The following TOP1 variants were observed in gnomAD, a reference collection of about 807,000 sequenced individuals.
TOP1 encodes DNA topoisomerase 1.
In TOP1, 10 loss-of-function variants were observed where a neutral mutation model predicts 111.1. The ratio of observed to expected loss-of-function variants is 0.09; its 90% CI spans 0.06 to 0.15. The LOEUF is 0.15. Among genes scored for constraint, TOP1 ranks in the 10% least tolerant of loss-of-function variants. TOP1 has a pLI of 1.00. For synonymous variants in TOP1, 271 were observed against 302.9 expected (o/e 0.89, Z 1.10); for missense variants, 474 against 926.7 (o/e 0.51, Z 6.34).
intron 13 of TOP1, among the ~76,000 whole-genome samples, chr20:41,105,485 T>C (rs549774804): frequency 8.5e-5 from 13 of 152,170 alleles, no homozygotes. Flanking sequence ...AAAACTTATC[T>C]ATTCTGTTGG....
Position 41,098,916 on chromosome 20 carries a change from G to T in TOP1, c.975+579G>T, listed in dbSNP as rs2034020376. ...TCTACGGCTGTGTTTATGCAACAATGACAGAGATGAGTAGTTGCAAAAGAG... is the reference window on the plus strand; with the variant it reads ...TCTACGGCTGTGTTTATGCAACAATTACAGAGATGAGTAGTTGCAAAAGAG... On this transcript the variant is annotated intron_variant, in intron 11 of 20. Transcript: ENST00000361337. The surrounding 1 kb of genome is among the most constrained non-coding windows in gnomAD (Gnocchi z 5.7). 1 of 152,018 alleles carries T rather than the reference G, an allele frequency of 6.6e-6. No individual in the cohort carries two copies. Among genetic ancestry groups the T allele is most frequent in the South Asian group, 2.1e-4 (1 of 4,830 alleles). 9.4% of individuals were successfully genotyped at this position (152,018 alleles called of 1,614,324 possible).
Position 41,116,478 on chromosome 20 carries a change from A to G in TOP1, c.1822+86A>G. 9.5e-7 allele frequency: 1 copy of G among 1,047,850 alleles called. No individual in the cohort carries two copies. The allele number at this position is 1,047,850 out of a possible 1,614,324, so 64.9% of individuals were successfully genotyped here. ...TTATCTAAGGCCTAGAGTCAGTTCT[A>G]CTTTTTTTCCCTACCATTGTGGTCA... On this transcript the variant is annotated intron_variant, in intron 17 of 20. Coordinates refer to ENST00000361337, the MANE Select transcript of TOP1 (RefSeq NM_003286.4). This position sits in a 1 kb window ranked among gnomAD's most constrained non-coding sequence, Gnocchi z 5.6.
rs1360958552 is a variant in TOP1, at chr20:41,112,512, CT to C, written c.1309-269del. 6.6e-6 allele frequency among the ~76,000 whole-genome samples: 1 copy of C among 152,200 alleles called. No homozygotes were observed. The highest frequency in any genetic ancestry group is 2.1e-4 in the South Asian group (1 of 4,836). On this transcript the variant is annotated intron_variant, in intron 13 of 20. Transcript: ENST00000361337. The surrounding 1 kb of genome is among the most constrained non-coding windows in gnomAD (Gnocchi z 5.8). The stretch of plus-strand genomic sequence containing the variant: ...TAACAGGTTAAATGTGCCAAACTCT[CT>C]CTTCAGTACTATTCTTTTTTACGTT...
intron 13 of TOP1, among the ~76,000 whole-genome samples, chr20:41,107,900 C>T (rs547907473): frequency 1.3e-5 from 2 of 152,354 alleles, no homozygotes; most frequent in African/African-American, 4.8e-5. Context: ...CCCCTGACTT[C>T]AAGTCCCCCC....
intron 3 of TOP1, among the ~76,000 whole-genome samples, chr20:41,070,272 T>G (rs1452073986): frequency 6.6e-6 from 1 of 152,204 alleles, no homozygotes; most frequent in African/African-American, 2.4e-5. Flanking sequence ...AGAATGGGTA[T>G]CGGTTTTGCC....
At position 41,084,522 on chromosome 20, in the gene TOP1, A is replaced by G. The variant is rs143582206; in HGVS notation, c.568A>G (p.Asn190Asp). ...AGATAAAAAAGTTCCTGAGCCAGATAACAAGAAAAAGAAGCCGAAGAAAGA... is the reference window on the plus strand; with the variant it reads ...AGATAAAAAAGTTCCTGAGCCAGATGACAAGAAAAAGAAGCCGAAGAAAGA... ...DKDKKVPEPD[N>D]KKKKPKKEEE... Residue 190 changes from asparagine (N) to aspartate (D), a missense_variant, in exon 8 of 21, where the codon AAC (asparagine) becomes GAC (aspartate). Transcript: ENST00000361337. The G allele has an allele frequency of 2.6e-5, 41 of 1,579,914 alleles. No individual in the cohort carries two copies. In the African/African-American group the frequency reaches 4.9e-4, roughly 19 times the overall value.
intron 2 of TOP1, among the ~76,000 whole-genome samples, chr20:41,059,386 C>T (rs997509204): frequency 1.3e-5 from 2 of 149,458 alleles, no homozygotes; most frequent in Admixed American, 6.7e-5. Context: ...GAACACTGGC[C>T]CTTAACTCTG....
chr20:41,122,381 C>T lies in TOP1; in HGVS notation c.2195+226C>T, dbSNP rs1486032459. Among the ~76,000 whole-genome samples the T allele has an allele frequency of 6.6e-6, 1 of 152,164 alleles. No individual in the cohort carries two copies. The highest frequency in any genetic ancestry group is 1.5e-5 in the Non-Finnish European group (1 of 68,044). On this transcript the variant is annotated intron_variant, in intron 20 of 20. Coordinates refer to ENST00000361337, the MANE Select transcript of TOP1 (RefSeq NM_003286.4). This position sits in a 1 kb window ranked among gnomAD's most constrained non-coding sequence, Gnocchi z 5.4. ...TAAATGGTCAGTGCTGTTACACTGC[C>T]TTGTAGTGTATATTTTTAAGAGGCA...
rs1226187901 is a variant in TOP1, at chr20:41,114,709, TG to T, written c.1638+555del. Among the ~76,000 whole-genome samples, 1 of 152,242 alleles carries T rather than the reference TG, an allele frequency of 6.6e-6. No individual in the cohort carries two copies. The highest frequency in any genetic ancestry group is 1.5e-5 in the Non-Finnish European group (1 of 68,040). On this transcript the variant is annotated intron_variant, in intron 15 of 20. Coordinates refer to ENST00000361337, the MANE Select transcript of TOP1 (RefSeq NM_003286.4). The surrounding 1 kb of genome is among the most constrained non-coding windows in gnomAD (Gnocchi z 4.5). ...AACTCCTGACTGAGTGAAAGGTTAA[TG>T]TTAGTCCCCAGATCTCTGAGCCCAT...
In TOP1 at chr20:41,112,493, G is replaced by T. The variant is rs1017475420; in HGVS notation, c.1309-289G>T. Among the ~76,000 whole-genome samples, 1 of 152,198 alleles carries T rather than the reference G, an allele frequency of 6.6e-6. No individual in the cohort carries two copies. The highest frequency in any genetic ancestry group is 1.5e-5 in the Non-Finnish European group (1 of 68,026). ...ATGGGACAATGTGCATTCTTAACAG[G>T]TTAAATGTGCCAAACTCTCTCTTCA... On this transcript the variant is annotated intron_variant, in intron 13 of 20. Transcript: ENST00000361337. The surrounding 1 kb of genome is among the most constrained non-coding windows in gnomAD (Gnocchi z 5.8).
At chr20:41,059,211 T>C (rs1473181296) in intron 2 of TOP1, among the ~76,000 whole-genome samples, 3 of 151,816 alleles carry the variant, frequency 2.0e-5, no homozygotes, top group Non-Finnish European at 4.4e-5. Flanking sequence ...GAAACATAAT[T>C]AGTGGGTACT....
chr20:41,041,005 C>A (rs1006463174), intron 2 of TOP1, among the ~76,000 whole-genome samples: 1 of 152,020 alleles, frequency 6.6e-6, no homozygotes, highest in Non-Finnish European at 1.5e-5. Context: ...ATCTCAGAGC[C>A]TGTTTGAGTA....
Position 41,058,061 on chromosome 20 carries a change from A to G in TOP1, c.59-3333A>G, listed in dbSNP as rs578025988. ...TATGCTGCATGGAAGATTGAGTTCAAATCCTACTTCTGACACCATATGATA... is the reference window on the plus strand; with the variant it reads ...TATGCTGCATGGAAGATTGAGTTCAGATCCTACTTCTGACACCATATGATA... On this transcript the variant is annotated intron_variant, in intron 2 of 20. Transcript: ENST00000361337. This position sits in a 1 kb window ranked among gnomAD's most constrained non-coding sequence, Gnocchi z 4.2. 2.2e-4 allele frequency among the ~76,000 whole-genome samples: 34 copies of G among 152,302 alleles called. No individual in the cohort carries two copies. Among genetic ancestry groups the G allele is most frequent in the African/African-American group, 7.5e-4 (31 of 41,554 alleles).
At chr20:41,047,623 G>A (rs1181026112) in intron 2 of TOP1, among the ~76,000 whole-genome samples, 1 of 152,234 alleles carries the variant, frequency 6.6e-6, no homozygotes, top group Non-Finnish European at 1.5e-5. Flanking sequence ...TCACTAGAAT[G>A]TGGCCATGCT....
At chr20:41,113,008 T>C in intron 14 of TOP1, 83 bp downstream of exon 14, 2 of 1,406,806 alleles carry the variant, frequency 1.4e-6, no homozygotes, top group Non-Finnish European at 1.9e-6. Context: ...CTGTGCCACA[T>C]ACTGTATATC....
At position 41,029,816 on chromosome 20, in the gene TOP1, CTT is replaced by C. The variant is rs1357121289; in HGVS notation, c.58+363_58+364del. 1 of 327,568 alleles carries C rather than the reference CTT, an allele frequency of 3.1e-6. No homozygotes were observed. The highest frequency in any genetic ancestry group is 5.8e-6 in the Non-Finnish European group (1 of 172,532). 20.3% of individuals were successfully genotyped at this position (327,568 alleles called of 1,614,324 possible). ...TCCTCTCCTTTCTGTGCCTGTGTCTCTTTCTCTCCCTCCCTCGGCTCTTTCCT... is the reference window on the plus strand; with the variant it reads ...TCCTCTCCTTTCTGTGCCTGTGTCTCTCTCTCCCTCCCTCGGCTCTTTCCT... On this transcript the variant is annotated intron_variant, in intron 2 of 20. Transcript: ENST00000361337. This position sits in a 1 kb window ranked among gnomAD's most constrained non-coding sequence, Gnocchi z 6.1.
At chr20:41,086,056 A>G (rs570741602) in intron 8 of TOP1, among the ~76,000 whole-genome samples, 1 of 152,302 alleles carries the variant, frequency 6.6e-6, no homozygotes, top group Admixed American at 6.5e-5. Flanking sequence ...TGAGGTCAGG[A>G]GTTCGAGACC....
At position 41,123,815 on chromosome 20, in the gene TOP1, TG is replaced by T. The variant is rs2034455899; in HGVS notation, c.*522del. On this transcript the variant is annotated 3_prime_UTR_variant, in exon 21 of 21. Coordinates refer to ENST00000361337, the MANE Select transcript of TOP1 (RefSeq NM_003286.4). The surrounding 1 kb of genome is among the most constrained non-coding windows in gnomAD (Gnocchi z 5.8). ...TTAGAGTCGTCACTCTCTATTGTCA[TG>T]GGGATCAATTTTCATTAAACTTGAA... 4.3e-6 allele frequency: 1 copy of T among 232,208 alleles called. No individual in the cohort carries two copies. Among genetic ancestry groups the T allele is most frequent in the South Asian group, 1.8e-4 (1 of 5,524 alleles). The allele number at this position is 232,208 out of a possible 1,614,324, so 14.4% of individuals were successfully genotyped here. A position where few individuals can be genotyped will look rare whatever the true frequency, so the allele number is the denominator to read the frequency against.
Position 41,123,895 on chromosome 20 carries a change from A to G in TOP1, c.*598A>G, listed in dbSNP as rs2034457075. 2 of 232,476 alleles carry G rather than the reference A, an allele frequency of 8.6e-6. No homozygotes were observed. The highest frequency in any genetic ancestry group is 1.7e-5 in the Non-Finnish European group (2 of 117,386). The allele number at this position is 232,476 out of a possible 1,614,324, so 14.4% of individuals were successfully genotyped here. A position where few individuals can be genotyped will look rare whatever the true frequency, so the allele number is the denominator to read the frequency against. On this transcript the variant is annotated 3_prime_UTR_variant, in exon 21 of 21. Coordinates refer to ENST00000361337, the MANE Select transcript of TOP1 (RefSeq NM_003286.4). This position sits in a 1 kb window ranked among gnomAD's most constrained non-coding sequence, Gnocchi z 5.8. ...TCAGACACCTGTTCACAGAAAAAGC[A>G]TGATGGGAAAATATTTCCTGACTTG...
Sources: allele counts gnomAD v4.1 joint callset (sites outside exome capture counted in the v4.1 genomes callset), GRCh38; gene constraint gnomAD v4.1.1; non-coding constraint Gnocchi (gnomAD v3.1); transcripts MANE v1.5; gene names NCBI Gene and HGNC (gene_info 2026-07-23, HGNC 2026-07-21).